Variants in POLK observed in about 807,000 individuals in gnomAD.
POLK encodes polymerase (DNA directed) kappa.
A neutral mutation model predicts 94.0 loss-of-function variants in POLK; 76 were observed. That is an observed-to-expected ratio of 0.81 (90% CI 0.67 to 0.98). The LOEUF (loss-of-function observed/expected upper bound fraction) is 0.98, where lower values mean the gene tolerates loss of function less well. Among genes scored for constraint, POLK ranks in the 50% least tolerant of loss-of-function variants. The probability of loss-of-function intolerance (pLI) is 0.00; values close to 1 mark genes in which losing one functional copy is unlikely to be tolerated. For synonymous variants in POLK, 349 were observed against 325.4 expected, an observed-to-expected ratio of 1.07 and a Z score of -0.78; for missense variants, 954 against 1,010.1, an observed-to-expected ratio of 0.94 and a Z score of 0.75.
intron 4 of POLK, among the ~76,000 whole-genome samples, chr5:75,572,971 T>C (rs1263014251): frequency 2.6e-5 from 4 of 152,202 alleles, no homozygotes; most frequent in Non-Finnish European, 4.4e-5. Flanking sequence ...CTCAGGGATC[T>C]AGAACTAGAA....
At chr5:75,567,952 A>G (rs1384188963) in intron 3 of POLK, among the ~76,000 whole-genome samples, 1 of 152,160 alleles carries the variant, frequency 6.6e-6, no homozygotes, top group Non-Finnish European at 1.5e-5. Flanking sequence ...CTAAAAGAGG[A>G]GTTATAGTTT....
At chr5:75,606,670 G>T in the POLK span, among the ~76,000 whole-genome samples, 1 of 151,236 alleles carries the variant, frequency 6.6e-6, no homozygotes, top group Non-Finnish European at 1.5e-5. Context: ...GGGGTTGGGG[G>T]TAAGGTCACA....
At chr5:75,590,496 TACCTTA>T in intron 11 of POLK, 56 bp downstream of exon 11, 3 of 942,580 alleles carry the variant, frequency 3.2e-6, no homozygotes, top group Non-Finnish European at 5.2e-6. Flanking sequence ...AGTAAAATGC[TACCTTA>T]AAAGCTAGAG....
chr5:75,559,505 G>GTTTTTTTTTTTTTTTTTTTTTTTTTTTTT (rs1561371144), intron 3 of POLK, among the ~76,000 whole-genome samples: 1 of 70,080 alleles, frequency 1.4e-5, no homozygotes. Context: ...TTTGGGGTTT[G>GTTTTTTTTTTTTTTTTTTTTTTTTTTTTT]TTTTTTTGTT....
At chr5:75,511,287 G>C (rs113315575), upstream of POLK, 1 of 1,574,452 alleles carries the variant, frequency 6.4e-7, no homozygotes, top group Non-Finnish European at 8.6e-7. Context: ...TCGGGGTGAA[G>C]GGTCGGGGGA....
intron 3 of POLK, among the ~76,000 whole-genome samples, chr5:75,559,644 C>T (rs934186847): frequency 6.7e-6 from 1 of 149,784 alleles, no homozygotes; most frequent in African/African-American, 2.5e-5. Context: ...TCAAACAGTC[C>T]TCCCGCCTCA....
chr5:75,570,855 CTGTT>C (rs1341339066), intron 4 of POLK, among the ~76,000 whole-genome samples: 3 of 152,260 alleles, frequency 2.0e-5, no homozygotes, highest in East Asian at 1.9e-4. Context: ...AAACTATAAT[CTGTT>C]TGTTTTTTTA....
chr5:75,537,254 C>G (rs1561346586), intron 1 of POLK, among the ~76,000 whole-genome samples: 1 of 152,282 alleles, frequency 6.6e-6, no homozygotes, highest in East Asian at 1.9e-4. Flanking sequence ...CTCAGTGGCT[C>G]TGCCTCAGTC....
intron 3 of POLK, among the ~76,000 whole-genome samples, chr5:75,566,367 G>A (rs1771269693): frequency 6.6e-6 from 1 of 152,178 alleles, no homozygotes; most frequent in East Asian, 1.9e-4. Flanking sequence ...GTTTCCCAGG[G>A]AATGAACGGT....
At chr5:75,584,685 G>T in intron 8 of POLK, 75 bp from the exon 9 acceptor site, 1 of 809,818 alleles carries the variant, frequency 1.2e-6, no homozygotes, top group Non-Finnish European at 1.9e-6. Context: ...AAAAAAAAAA[G>T]TGTAATGAGG....
chr5:75,576,148 C>A (rs948428420), intron 5 of POLK, among the ~76,000 whole-genome samples: 1 of 151,918 alleles, frequency 6.6e-6, no homozygotes, highest in Non-Finnish European at 1.5e-5. Context: ...CAGACTTTTC[C>A]CCATCATTTA....
chr5:75,597,751 C>T, exon 14 of POLK: 2 of 1,493,342 alleles, frequency 1.3e-6, no homozygotes, highest in East Asian at 2.4e-5. Flanking sequence ...CTAAAGGTAG[C>T]TCAAGTGGAG....
exon 2 of POLK, chr5:75,547,062 G>A (rs775485438): frequency 1.3e-6 from 2 of 1,533,088 alleles, no homozygotes; most frequent in Non-Finnish European, 8.9e-7. Flanking sequence ...TTACAAAGAT[G>A]ATCTTCTGCT....
At chr5:75,602,095 A>T (rs1188632097), downstream of POLK, among the ~76,000 whole-genome samples, 3 of 152,196 alleles carry the variant, frequency 2.0e-5, no homozygotes, top group Non-Finnish European at 2.9e-5. Flanking sequence ...ACATGGGGAC[A>T]TGCTTAATTC....
intron 1 of POLK, among the ~76,000 whole-genome samples, chr5:75,528,363 T>C (rs1168543252): frequency 6.6e-6 from 1 of 152,096 alleles, no homozygotes; most frequent in Non-Finnish European, 1.5e-5. Flanking sequence ...AAGAAAGTAA[T>C]GAAGTATCCC....
At chr5:75,589,592 A>G (rs887946203) in intron 10 of POLK, among the ~76,000 whole-genome samples, 1 of 152,002 alleles carries the variant, frequency 6.6e-6, no homozygotes, top group Admixed American at 6.6e-5. Flanking sequence ...CTGGGACTAC[A>G]GGCGCCCGTA....
At chr5:75,556,007 C>G (rs1770601546) in intron 3 of POLK, among the ~76,000 whole-genome samples, 1 of 152,120 alleles carries the variant, frequency 6.6e-6, no homozygotes, top group Non-Finnish European at 1.5e-5. Flanking sequence ...GTTTTCAACT[C>G]CTTTAGGTAA....
intron 13 of POLK, 189 bp downstream of exon 13, chr5:75,597,367 G>A (rs1348285987): frequency 3.4e-5 from 18 of 526,332 alleles, no homozygotes; most frequent in Middle Eastern, 4.9e-4. Flanking sequence ...TGAATTTGGG[G>A]AAAACTTTGG....
intron 4 of POLK, among the ~76,000 whole-genome samples, chr5:75,570,200 A>G (rs1771517972): frequency 2.0e-5 from 3 of 152,138 alleles, no homozygotes; most frequent in Admixed American, 2.0e-4. Context: ...TTTTATTTCC[A>G]TTTGGCAAAA....
Sources: gnomAD v4.1 joint callset for allele counts (sites outside exome capture counted in the v4.1 genomes callset) on GRCh38, gnomAD v4.1.1 for gene constraint, MANE v1.5 for transcripts, NCBI Gene and HGNC (gene_info 2026-07-23, HGNC 2026-07-21) for gene names.